BCR: variants seen among roughly 807,000 people sequenced by gnomAD.
The protein encoded by BCR is breakpoint cluster region protein.
A neutral mutation model predicts 138.6 loss-of-function variants in BCR; 58 were observed. That is an observed-to-expected ratio of 0.42 (90% CI 0.34 to 0.52). BCR has a LOEUF of 0.52. Ranked by LOEUF, BCR falls within the 20% of genes least tolerant of loss-of-function variation. The probability of loss-of-function intolerance (pLI) is 0.06; values close to 1 mark genes in which losing one functional copy is unlikely to be tolerated. For synonymous variants in BCR, 786 were observed against 730.1 expected, an observed-to-expected ratio of 1.08 and a Z score of -1.23; for missense variants, 1,599 against 1,727.2, an observed-to-expected ratio of 0.93 and a Z score of 1.32.
At chr22:23,212,896 T>C (rs551033589) in intron 1 of BCR, among the ~76,000 whole-genome samples, 4 of 152,326 alleles carry the variant, frequency 2.6e-5, no homozygotes, top group African/African-American at 7.2e-5. Context: ...TACTTGGTCA[T>C]AAATCAGTGT....
chr22:23,293,678 G>A (rs1455659223), intron 15 of BCR, among the ~76,000 whole-genome samples: 2 of 152,090 alleles, frequency 1.3e-5, no homozygotes, highest in Admixed American at 6.6e-5. Flanking sequence ...CAGGTGCCAG[G>A]CAGCCACGGA....
At chr22:23,246,076 GCAT>G (rs921307057) in intron 1 of BCR, among the ~76,000 whole-genome samples, 2 of 152,100 alleles carry the variant, frequency 1.3e-5, no homozygotes, top group Non-Finnish European at 2.9e-5. Context: ...ATTTCCCGTA[GCAT>G]CATGTTTTCA....
At chr22:23,248,842 A>G (rs574725427) in intron 1 of BCR, among the ~76,000 whole-genome samples, 6 of 152,166 alleles carry the variant, frequency 3.9e-5, no homozygotes, top group Non-Finnish European at 7.3e-5. Context: ...GAGACCATCA[A>G]CCTCAGTCCT....
In BCR at chr22:23,287,256, G is replaced by A. The variant is rs1387471763; in HGVS notation, c.2504G>A (p.Arg835Lys). 2.2e-5 allele frequency: 34 copies of A among 1,554,878 alleles called. No homozygotes were observed. Among genetic ancestry groups the A allele is most frequent in the Non-Finnish European group, 3.0e-5 (34 of 1,148,632 alleles). The change falls in exon 11 of 23, where the codon AGG (arginine) becomes AAG (lysine). Residue 835 changes from arginine (R) to lysine (K), a missense_variant. By Grantham distance (26) the Arg-to-Lys change is conservative (BLOSUM62 2). Around this residue, in one of 4 missense-constraint regions of BCR, gnomAD observed 590 missense variants for 762.4 expected, o/e 0.77. Coordinates refer to ENST00000305877, the MANE Select transcript of BCR (RefSeq NM_004327.4). ...LLLMSPSMAF[R>K]VHSRNGKSYT... is the part of the protein sequence containing the mutation. ...CTTATGTCTCCCAGCATGGCCTTCAGGGTGCACAGCCGCAACGGCAAGGTG... is the reference window on the plus strand; with the variant it reads ...CTTATGTCTCCCAGCATGGCCTTCAAGGTGCACAGCCGCAACGGCAAGGTG...
chr22:23,194,407 TTTTTTTCTTTC>T (rs1171662548), intron 1 of BCR, among the ~76,000 whole-genome samples: 2 of 151,230 alleles, frequency 1.3e-5, no homozygotes, highest in Non-Finnish European at 3.0e-5. Context: ...TTTTTCTTTT[TTTTTTTCTTTC>T]TTTTTTCTTT....
At chr22:23,311,949 T>G in intron 19 of BCR, 113 bp downstream of exon 19, 1 of 1,473,408 alleles carries the variant, frequency 6.8e-7, no homozygotes, top group Non-Finnish European at 9.1e-7. Flanking sequence ...TGTCTTTTCT[T>G]CATTTACTGT....
chr22:23,315,077 A>G (rs2074053710), intron 22 of BCR, among the ~76,000 whole-genome samples: 1 of 152,200 alleles, frequency 6.6e-6, no homozygotes, highest in Admixed American at 6.5e-5. Flanking sequence ...AAGAAAAATT[A>G]GCCAGGCATT....
At position 23,217,044 on chromosome 22, in the gene BCR, G is replaced by A. The variant is rs115907385; in HGVS notation, c.1279+34805G>A. The A allele has an allele frequency of 1.4e-3, 620 of 450,858 alleles. 1 individual carries two copies. The highest frequency in any genetic ancestry group is 0.011 in the African/African-American group (533 of 49,982). The allele number at this position is 450,858 out of a possible 1,614,324, so 27.9% of individuals were successfully genotyped here. ...GAGCAGCAGTGTCATGTGGACACAC[G>A]GCGTGGACACAAGGCATGATTCTCA... On this transcript the variant is annotated intron_variant, in intron 1 of 22. Coordinates refer to ENST00000305877, the MANE Select transcript of BCR (RefSeq NM_004327.4).
In BCR at chr22:23,181,465, G is replaced by A. The variant is rs776888945; in HGVS notation, c.505G>A (p.Gly169Arg). The A allele has an allele frequency of 1.2e-6, 2 of 1,608,430 alleles. No homozygotes were observed. The highest frequency in any genetic ancestry group is 2.7e-5 in the African/African-American group (2 of 74,854). Residue 169 changes from glycine (G) to arginine (R), a missense_variant, in exon 1 of 23, where the codon GGG becomes AGG. Physicochemically the swap from Gly to Arg is moderately radical, Grantham distance 125. This residue lies in a region of BCR where 806 missense variants were observed against 635.0 expected (regional missense o/e 1.27). Transcript: ENST00000305877. ...GATCCGCAAGGGCCATGGCCAGCCCGGGGCGGACGCCGAGAAGCCCTTCTA... is the reference window on the plus strand; with the variant it reads ...GATCCGCAAGGGCCATGGCCAGCCCAGGGCGGACGCCGAGAAGCCCTTCTA... Reference protein sequence around the residue: ...ERIRKGHGQPGADAEKPFYVN... With the variant: ...ERIRKGHGQPRADAEKPFYVN...
Position 23,180,877 on chromosome 22 carries a change from C to G in BCR, c.-84C>G, listed in dbSNP as rs1304494255. Reference sequence around the variant, plus strand: ...CGGGCCATGGGGGCCGCCCGGCGCCCGGGGCCGGGCTGGCGAGGCGCCGCG... The same window carrying G: ...CGGGCCATGGGGGCCGCCCGGCGCCGGGGGCCGGGCTGGCGAGGCGCCGCG... On this transcript the variant is annotated 5_prime_UTR_variant, in exon 1 of 23. Coordinates refer to ENST00000305877, the MANE Select transcript of BCR (RefSeq NM_004327.4). 2.6e-6 allele frequency: 2 copies of G among 764,172 alleles called. No homozygotes were observed. Among genetic ancestry groups the G allele is most frequent in the Admixed American group, 1.0e-3 (1 of 962 alleles). The allele number at this position is 764,172 out of a possible 1,614,324, so 47.3% of individuals were successfully genotyped here. A position where few individuals can be genotyped will look rare whatever the true frequency, so the allele number is the denominator to read the frequency against.
chr22:23,288,526 G>T (rs1469912191), intron 12 of BCR, among the ~76,000 whole-genome samples: 3 of 142,494 alleles, frequency 2.1e-5, no homozygotes, highest in African/African-American at 7.9e-5. Flanking sequence ...CCCCCGGCCT[G>T]CCCCCTAGTC....
At chr22:23,253,553 C>T (rs1300887709) in intron 1 of BCR, among the ~76,000 whole-genome samples, 1 of 152,196 alleles carries the variant, frequency 6.6e-6, no homozygotes, top group African/African-American at 2.4e-5. Flanking sequence ...AAGTCACAAC[C>T]CCCTGCCAGG....
chr22:23,206,478 G>T (rs2072615320), intron 1 of BCR, among the ~76,000 whole-genome samples: 1 of 151,910 alleles, frequency 6.6e-6, no homozygotes. Context: ...TCGGGAGGCT[G>T]AGGCAGGAGA....
chr22:23,246,196 G>T (rs894652214), intron 1 of BCR, among the ~76,000 whole-genome samples: 1 of 152,142 alleles, frequency 6.6e-6, no homozygotes, highest in African/African-American at 2.4e-5. Context: ...AGGCCTAGGC[G>T]AGAGGACCAC....
At chr22:23,243,799 C>T (rs1028358878) in intron 1 of BCR, among the ~76,000 whole-genome samples, 12 of 152,078 alleles carry the variant, frequency 7.9e-5, no homozygotes, top group African/African-American at 2.7e-4. Flanking sequence ...CCTGCCACCA[C>T]GCCCAGCTAA....
chr22:23,314,514 G>A (rs2074045460), intron 21 of BCR, 38 bp from the exon 22 acceptor site: 1 of 1,610,422 alleles, frequency 6.2e-7, no homozygotes, highest in Non-Finnish European at 8.5e-7. Context: ...TCCTGGGGGT[G>A]GCGTTGAAAC....
intron 6 of BCR, among the ~76,000 whole-genome samples, chr22:23,271,869 A>AT (rs34060185): frequency 0.26 from 38,014 of 147,832 alleles, 4,997 homozygotes; most frequent in Middle Eastern, 0.42. Context: ...CATAAGGAGG[A>AT]TTTTTTTTTT....
chr22:23,289,846 C>A, intron 13 of BCR: 1 of 577,540 alleles, frequency 1.7e-6, no homozygotes, highest in South Asian at 2.1e-5. Context: ...TGAGGAGATG[C>A]ACGGCTTCTG....
intron 1 of BCR, among the ~76,000 whole-genome samples, chr22:23,232,498 T>TG (rs2072970386): frequency 6.6e-6 from 1 of 151,556 alleles, no homozygotes; most frequent in African/African-American, 2.4e-5. Context: ...TCTTTGGGAG[T>TG]GGGGGGTGCA....
Sources: gnomAD v4.1 joint callset for allele counts (sites outside exome capture counted in the v4.1 genomes callset) on GRCh38, gnomAD v4.1.1 for gene constraint, gnomAD v4.1.1 regional missense constraint, MANE v1.5 for transcripts, NCBI Gene and HGNC (gene_info 2026-07-23, HGNC 2026-07-21) for gene names.